Variants in CUBN observed in about 807,000 individuals in gnomAD.
CUBN encodes the protein cubilin.
In CUBN, 282 loss-of-function variants were observed where a neutral mutation model predicts 405.3. The observed-to-expected ratio is 0.70, with a 90% CI of 0.63 to 0.77. The LOEUF is 0.77. CUBN is among the 30% of genes least tolerant of loss of function. The pLI is 0.00. For missense variants in CUBN, 4,514 were observed against 4,475.2 expected (o/e 1.01, Z -0.25); for synonymous variants, 1,684 against 1,617.0 (o/e 1.04, Z -0.99).
At chr10:16,939,933 G>T in intron 37 of CUBN, 99 bp downstream of exon 37, 1 of 1,043,504 alleles carries the variant, frequency 9.6e-7, no homozygotes. Flanking sequence ...ATAGTGTAGA[G>T]TTTAGGATTG....
At chr10:16,919,364 T>C (rs1422656974) in intron 44 of CUBN, among the ~76,000 whole-genome samples, 6 of 152,232 alleles carry the variant, frequency 3.9e-5, no homozygotes, top group African/African-American at 7.2e-5. Flanking sequence ...ATCCAAGTTT[T>C]GCACCACAGC....
At chr10:17,123,735 G>T in intron 4 of CUBN, 46 bp from the exon 5 acceptor site, 1 of 1,303,312 alleles carries the variant, frequency 7.7e-7, no homozygotes, top group Non-Finnish European at 1.1e-6. Flanking sequence ...GCAGTCAGCA[G>T]CAACAAAACG....
At chr10:17,109,435 T>G (rs1836715415) in intron 10 of CUBN, among the ~76,000 whole-genome samples, 1 of 152,214 alleles carries the variant, frequency 6.6e-6, no homozygotes, top group Non-Finnish European at 1.5e-5. Context: ...TTACCTTATT[T>G]CCTAAATCAG....
chr10:17,074,761 G>C (rs1456550624), intron 17 of CUBN, among the ~76,000 whole-genome samples: 3 of 152,146 alleles, frequency 2.0e-5, no homozygotes, highest in African/African-American at 7.2e-5. Context: ...TAGGTTTTCA[G>C]ATACTGAAAT....
intron 56 of CUBN, among the ~76,000 whole-genome samples, chr10:16,880,803 T>C (rs983902332): frequency 1.3e-5 from 2 of 152,226 alleles, no homozygotes; most frequent in African/African-American, 2.4e-5. Flanking sequence ...ATTTTTAAAT[T>C]AACCTCAAAG....
At chr10:16,987,709 C>A (rs952720742) in intron 29 of CUBN, among the ~76,000 whole-genome samples, 5 of 152,112 alleles carry the variant, frequency 3.3e-5, no homozygotes, top group African/African-American at 4.8e-5. Flanking sequence ...ACTTTTAAAC[C>A]CACTACTAAC....
intron 18 of CUBN, 57 bp from the exon 19 acceptor site, chr10:17,071,661 T>C: frequency 6.4e-7 from 1 of 1,562,320 alleles, no homozygotes; most frequent in South Asian, 1.1e-5. Flanking sequence ...TTTATCTCAA[T>C]TTTATTGCAA....
chr10:16,883,883 C>A (rs547728861), intron 56 of CUBN, among the ~76,000 whole-genome samples: 1 of 152,200 alleles, frequency 6.6e-6, no homozygotes, highest in Non-Finnish European at 1.5e-5. Context: ...CAGTTTACGG[C>A]GTGTAGAATT....
intron 14 of CUBN, among the ~76,000 whole-genome samples, chr10:17,097,114 A>G (rs1411830483): frequency 2.6e-5 from 4 of 152,136 alleles, no homozygotes; most frequent in Non-Finnish European, 4.4e-5. Context: ...AGGAAAATCA[A>G]TGAAATAAAA....
At chr10:16,900,137 C>A (rs993092841) in intron 53 of CUBN, among the ~76,000 whole-genome samples, 2 of 152,166 alleles carry the variant, frequency 1.3e-5, no homozygotes, top group Non-Finnish European at 2.9e-5. Context: ...AACAGTTTCC[C>A]ATTGTTCAAG....
At chr10:16,950,541 G>T (rs566517141) in intron 33 of CUBN, among the ~76,000 whole-genome samples, 1 of 152,138 alleles carries the variant, frequency 6.6e-6, no homozygotes, top group Non-Finnish European at 1.5e-5. Context: ...TCATGTAAGG[G>T]TTCTCCAGCA....
intron 13 of CUBN, among the ~76,000 whole-genome samples, chr10:17,100,915 G>C (rs2131296925): frequency 6.6e-6 from 1 of 152,256 alleles, no homozygotes; most frequent in Non-Finnish European, 1.5e-5. Flanking sequence ...ACAAGTAGAA[G>C]AGAATAAACA....
In CUBN at chr10:17,000,753, T is replaced by C. The variant is rs187215390; in HGVS notation, c.4169-10238A>G. ...AGTTTTGTGTTCTGATTCCATTGCT[T>C]AGTGGATGTGTAAGTTTGGACACAT... On this transcript the variant is annotated intron_variant, in intron 28 of 66. Coordinates refer to ENST00000377833, the MANE Select transcript of CUBN (RefSeq NM_001081.4). Among the ~76,000 whole-genome samples, 15 of 152,360 alleles carry C rather than the reference T, an allele frequency of 9.8e-5. No homozygotes were observed. In the East Asian group the frequency reaches 2.9e-3, roughly 29 times the overall value.
In CUBN at chr10:17,001,456, G is replaced by A. The variant is rs528966580; in HGVS notation, c.4169-10941C>T. On this transcript the variant is annotated intron_variant, in intron 28 of 66. Coordinates refer to ENST00000377833, the MANE Select transcript of CUBN (RefSeq NM_001081.4). ...GCTGATTGGTCTGTTTTTACAGAGT[G>A]CTGATTGGTGCATTTACAAACTTTT... Among the ~76,000 whole-genome samples the A allele has an allele frequency of 1.4e-4, 22 of 152,346 alleles. 1 individual carries two copies. In the South Asian group the frequency reaches 4.6e-3, roughly 32 times the overall value.
At chr10:17,001,050 C>T (rs900802000) in intron 28 of CUBN, among the ~76,000 whole-genome samples, 1 of 152,090 alleles carries the variant, frequency 6.6e-6, no homozygotes, top group African/African-American at 2.4e-5. Flanking sequence ...CGTGATCTTG[C>T]TGACTTCAGG....
intron 3 of CUBN, among the ~76,000 whole-genome samples, chr10:17,127,216 CTCTCTCTCTCTG>C (rs1402034419): frequency 4.0e-5 from 6 of 150,270 alleles, no homozygotes; most frequent in Non-Finnish European, 7.4e-5. Context: ...CTTTCTTTCT[CTCTCTCTCTCTG>C]TCTCTCTCTC....
chr10:17,112,212 T>A (rs1836787280), intron 8 of CUBN, among the ~76,000 whole-genome samples: 2 of 152,092 alleles, frequency 1.3e-5, no homozygotes, highest in African/African-American at 4.8e-5. Context: ...TTAAGTAGAA[T>A]CCTCTTCTAA....
intron 39 of CUBN, among the ~76,000 whole-genome samples, chr10:16,934,231 A>T (rs1842436977): frequency 1.3e-5 from 2 of 152,160 alleles, no homozygotes; most frequent in Non-Finnish European, 2.9e-5. Flanking sequence ...TATGCCGCAG[A>T]TTGCTATAAG....
At chr10:17,090,302 A>G (rs1462941199) in intron 14 of CUBN, among the ~76,000 whole-genome samples, 2 of 152,182 alleles carry the variant, frequency 1.3e-5, no homozygotes, top group Admixed American at 6.5e-5. Context: ...AGAGGAAAAT[A>G]CAATTATATG....
Sources: allele counts gnomAD v4.1 joint callset (sites outside exome capture counted in the v4.1 genomes callset), GRCh38; gene constraint gnomAD v4.1.1; transcripts MANE v1.5; gene names NCBI Gene and HGNC (gene_info 2026-07-23, HGNC 2026-07-21).